The following ANGPT1 variants were observed in gnomAD, a reference collection of about 807,000 sequenced individuals.
ANGPT1 encodes angiopoietin-1.
Under a neutral mutation model 62.2 loss-of-function variants are expected in ANGPT1, and 17 were observed. The observed-to-expected ratio is 0.27, with a 90% CI of 0.19 to 0.41. The LOEUF (loss-of-function observed/expected upper bound fraction) is 0.41. Among genes scored for constraint, ANGPT1 ranks in the 10% least tolerant of loss-of-function variants. The probability of loss-of-function intolerance (pLI) is 1.00; values close to 1 mark genes in which losing one functional copy is unlikely to be tolerated. For missense variants in ANGPT1, 478 were observed against 594.9 expected (o/e 0.80, Z 2.04); for synonymous variants, 199 against 198.9 (o/e 1.00, Z 0.00).
At chr8:107,267,479 T>C (rs1413463249) in intron 7 of ANGPT1, among the ~76,000 whole-genome samples, 3 of 152,118 alleles carry the variant, frequency 2.0e-5, no homozygotes, top group African/African-American at 7.2e-5. Flanking sequence ...TGTTAGGCTA[T>C]CAGTAAAGAG....
At chr8:107,487,021 C>T (rs144677563) in intron 1 of ANGPT1, among the ~76,000 whole-genome samples, 253 of 152,210 alleles carry the variant, frequency 1.7e-3, no homozygotes, top group South Asian at 2.9e-3. Flanking sequence ...CTGCCTGTAT[C>T]CTAAAAGCGC....
intron 2 of ANGPT1, among the ~76,000 whole-genome samples, chr8:107,336,819 G>T (rs936122460): frequency 4.9e-5 from 7 of 144,308 alleles, no homozygotes; most frequent in African/African-American, 1.9e-4. Context: ...AAAACCCTAG[G>T]ATATTCTCCT....
intron 7 of ANGPT1, among the ~76,000 whole-genome samples, chr8:107,277,101 A>T (rs1813884500): frequency 6.6e-6 from 1 of 152,128 alleles, no homozygotes; most frequent in African/African-American, 2.4e-5. Context: ...GATGTGCATT[A>T]AAAAATGTTA....
chr8:107,460,434 A>T (rs1021045783), intron 1 of ANGPT1, among the ~76,000 whole-genome samples: 3 of 152,160 alleles, frequency 2.0e-5, no homozygotes, highest in Non-Finnish European at 4.4e-5. Flanking sequence ...AATTAGATAA[A>T]TCTTTCATAA....
At chr8:107,414,930 A>G (rs1810696983) in intron 1 of ANGPT1, among the ~76,000 whole-genome samples, 2 of 152,312 alleles carry the variant, frequency 1.3e-5, no homozygotes, top group South Asian at 4.1e-4. Flanking sequence ...CAAACTGGTT[A>G]CAATATTAGT....
chr8:107,407,788 G>T (rs559511799), intron 1 of ANGPT1, among the ~76,000 whole-genome samples: 1 of 152,262 alleles, frequency 6.6e-6, no homozygotes, highest in Admixed American at 6.5e-5. Flanking sequence ...GAGGCGGTGT[G>T]TATGCAGGGT....
intron 1 of ANGPT1, among the ~76,000 whole-genome samples, chr8:107,370,243 AAG>A (rs369446200): frequency 0.013 from 1,945 of 145,300 alleles, 135 homozygotes; most frequent in African/African-American, 0.047. Flanking sequence ...AGAAGGAAGA[AAG>A]AGAGAGAGAG....
chr8:107,418,155 CT>C (rs903978331), intron 1 of ANGPT1, among the ~76,000 whole-genome samples: 2 of 152,062 alleles, frequency 1.3e-5, no homozygotes, highest in African/African-American at 2.4e-5. Context: ...AAAGTTTAGA[CT>C]TTTTTTATGC....
chr8:107,277,756 GAAAT>G (rs2130102221), intron 7 of ANGPT1, among the ~76,000 whole-genome samples: 1 of 152,234 alleles, frequency 6.6e-6, no homozygotes, highest in East Asian at 1.9e-4. Context: ...TAATCAGAAA[GAAAT>G]AGTCAGATAA....
chr8:107,264,082 C>T (rs988510679), intron 8 of ANGPT1, 139 bp downstream of exon 8: 25 of 1,045,318 alleles, frequency 2.4e-5, no homozygotes, highest in Admixed American at 3.3e-5. Flanking sequence ...AGGGTAAATT[C>T]GTGGGCAGAA....
intron 7 of ANGPT1, among the ~76,000 whole-genome samples, chr8:107,279,032 C>T (rs1813932536): frequency 6.6e-6 from 1 of 152,196 alleles, no homozygotes; most frequent in South Asian, 2.1e-4. Flanking sequence ...TCTTCTCAGC[C>T]TCCACATCCT....
chr8:107,370,700 CAAAAAAAAA>C (rs71308729), intron 1 of ANGPT1, among the ~76,000 whole-genome samples: 13 of 75,572 alleles, frequency 1.7e-4, no homozygotes, highest in South Asian at 5.9e-4. Context: ...AAGACTCTGT[CAAAAAAAAA>C]AAAAAAAAAA....
intron 3 of ANGPT1, among the ~76,000 whole-genome samples, chr8:107,325,105 CTT>C (rs1472615510): frequency 2.0e-5 from 3 of 152,168 alleles, no homozygotes; most frequent in African/African-American, 7.2e-5. Context: ...TTGCCAGTAA[CTT>C]TTTGTTGGAG....
intron 1 of ANGPT1, among the ~76,000 whole-genome samples, chr8:107,417,081 G>C (rs1810771181): frequency 6.6e-6 from 1 of 152,128 alleles, no homozygotes; most frequent in African/African-American, 2.4e-5. Context: ...GAGCCACCGT[G>C]CCTGGAGAGA....
At chr8:107,469,600 A>G (rs1188000204) in intron 1 of ANGPT1, among the ~76,000 whole-genome samples, 1 of 152,004 alleles carries the variant, frequency 6.6e-6, no homozygotes, top group Non-Finnish European at 1.5e-5. Flanking sequence ...CCATGCCAAA[A>G]CCATTCTCAC....
intron 1 of ANGPT1, among the ~76,000 whole-genome samples, chr8:107,405,362 T>C (rs1817127966): frequency 6.6e-6 from 1 of 151,888 alleles, no homozygotes; most frequent in South Asian, 2.1e-4. Context: ...GTTTTTATAT[T>C]GCAAGTTGAA....
chr8:107,496,058 T>C (rs942807165), intron 1 of ANGPT1, among the ~76,000 whole-genome samples: 1 of 152,190 alleles, frequency 6.6e-6, no homozygotes, highest in African/African-American at 2.4e-5. Flanking sequence ...CCTAAGTGAG[T>C]GTGACCACAC....
chr8:107,300,828 G>A (rs938431089), intron 5 of ANGPT1, among the ~76,000 whole-genome samples: 2 of 151,928 alleles, frequency 1.3e-5, no homozygotes, highest in African/African-American at 4.8e-5. Flanking sequence ...CCACCATTTT[G>A]TAGAAGCGTA....
intron 1 of ANGPT1, among the ~76,000 whole-genome samples, chr8:107,423,646 G>A (rs866156993): frequency 2.0e-5 from 3 of 151,982 alleles, no homozygotes; most frequent in Non-Finnish European, 4.4e-5. Context: ...CTCAGAGTCT[G>A]TTTCCCAGGG....
Sources: allele counts gnomAD v4.1 joint callset (sites outside exome capture counted in the v4.1 genomes callset), GRCh38; gene constraint gnomAD v4.1.1; transcripts MANE v1.5; gene names NCBI Gene and HGNC (gene_info 2026-07-23, HGNC 2026-07-21).